Variants in CTXND2 observed in about 807,000 individuals in gnomAD.
CTXND2 encodes cortexin domain containing 2.
At chr1:150,900,992 G>T (rs1669013678) in intron 1 of CTXND2, among the ~76,000 whole-genome samples, 1 of 152,088 alleles carries the variant, frequency 6.6e-6, no homozygotes, top group Admixed American at 6.6e-5. Flanking sequence ...TGCACCTGTA[G>T]TCCCAGTTCC....
chr1:150,898,767 A>AG (rs1315647465), intron 1 of CTXND2, among the ~76,000 whole-genome samples: 1 of 146,082 alleles, frequency 6.8e-6, no homozygotes, highest in Non-Finnish European at 1.5e-5. Flanking sequence ...AAAAAAAAAA[A>AG]AAAGAAAGAA....
At chr1:150,895,327 C>CTTTTTTTTCT (rs933778061) in intron 1 of CTXND2, among the ~76,000 whole-genome samples, 1 of 151,270 alleles carries the variant, frequency 6.6e-6, no homozygotes, top group Non-Finnish European at 1.5e-5. Flanking sequence ...TTGGGGAAAT[C>CTTTTTTTTCT]TTTTTTTTCT....
chr1:150,910,427 G>A (rs1669233589), intron 1 of CTXND2, among the ~76,000 whole-genome samples: 1 of 152,032 alleles, frequency 6.6e-6, no homozygotes. Context: ...ACCACGCCCA[G>A]CAAGAAGGGT....
intron 1 of CTXND2, among the ~76,000 whole-genome samples, chr1:150,896,765 T>C (rs900626595): frequency 6.6e-6 from 1 of 152,198 alleles, no homozygotes; most frequent in African/African-American, 2.4e-5. Context: ...TGAACAAATA[T>C]TTATTGAACA....
chr1:150,891,637 T>G (rs12096831), intron 1 of CTXND2, among the ~76,000 whole-genome samples: 54,100 of 152,116 alleles, frequency 0.36, 10,014 homozygotes, highest in South Asian at 0.54. Flanking sequence ...AGGTCCCTTG[T>G]GAGCTGCCTT....
intron 1 of CTXND2, among the ~76,000 whole-genome samples, chr1:150,892,029 G>T (rs1357335777): frequency 6.6e-6 from 1 of 152,120 alleles, no homozygotes; most frequent in East Asian, 1.9e-4. Flanking sequence ...GAGAATAAAT[G>T]AAAGGAAATC....
intron 1 of CTXND2, among the ~76,000 whole-genome samples, chr1:150,888,245 ACTCTGCCGC>A (rs1224980339): frequency 6.9e-6 from 1 of 145,618 alleles, no homozygotes; most frequent in African/African-American, 2.6e-5. Flanking sequence ...AGACAGTCTC[ACTCTGCCGC>A]CTAGGCTGGA....
At chr1:150,898,554 G>A (rs1418867982) in intron 1 of CTXND2, among the ~76,000 whole-genome samples, 1 of 151,848 alleles carries the variant, frequency 6.6e-6, no homozygotes, top group Non-Finnish European at 1.5e-5. Context: ...TCAAGAGATG[G>A]AGACCATCCT....
At position 150,892,277 on chromosome 1, in the gene CTXND2, T is replaced by A. The variant is rs148089416; in HGVS notation, c.-74+4964T>A. 2.4e-4 allele frequency among the ~76,000 whole-genome samples: 37 copies of A among 152,338 alleles called. No individual in the cohort carries two copies. In the East Asian group the frequency reaches 6.7e-3, roughly 28 times the overall value. On this transcript the variant is annotated intron_variant, in intron 1 of 1. Transcript: ENST00000636087. The stretch of plus-strand genomic sequence containing the variant: ...TTTACATATAACTAAATGCAATTTT[T>A]AAAATAAATATCCTATTTTCCAGTA...
Position 150,909,826 on chromosome 1 carries a change from C to T in CTXND2, c.-73-2416C>T, listed in dbSNP as rs113132685. Among the ~76,000 whole-genome samples, 1,287 of 152,170 alleles carry T rather than the reference C, an allele frequency of 8.5e-3. 7 individuals carry two copies. Among genetic ancestry groups the T allele is most frequent in the Non-Finnish European group, 0.012 (810 of 68,008 alleles). On this transcript the variant is annotated intron_variant, in intron 1 of 1. Transcript: ENST00000636087. ...ACTCAGGTGCTGCAGCAGAGGAAAC[C>T]GGAACTCAGTCACAAATCCATCTCC...
chr1:150,906,219 A>C (rs1259110844), intron 1 of CTXND2, among the ~76,000 whole-genome samples: 2 of 151,504 alleles, frequency 1.3e-5, no homozygotes, highest in Non-Finnish European at 3.0e-5. Context: ...GGATCACTTG[A>C]GCCCAGGAGG....
intron 1 of CTXND2, among the ~76,000 whole-genome samples, chr1:150,895,544 A>G (rs1668905097): frequency 6.6e-6 from 1 of 151,946 alleles, no homozygotes; most frequent in South Asian, 2.1e-4. Flanking sequence ...GGCTTTCACT[A>G]TGTTGACTAG....
intron 1 of CTXND2, among the ~76,000 whole-genome samples, chr1:150,908,258 G>C (rs779923092): frequency 6.6e-6 from 1 of 151,926 alleles, no homozygotes; most frequent in Non-Finnish European, 1.5e-5. Flanking sequence ...CACCCACCTT[G>C]GCTGCCCAAA....
At chr1:150,894,848 C>T (rs971766313) in intron 1 of CTXND2, among the ~76,000 whole-genome samples, 2 of 151,950 alleles carry the variant, frequency 1.3e-5, no homozygotes, top group Admixed American at 1.3e-4. Flanking sequence ...CCAGCCTGGC[C>T]AACATGGTGA....
intron 1 of CTXND2, among the ~76,000 whole-genome samples, chr1:150,907,770 C>T (rs1184668747): frequency 2.9e-5 from 4 of 138,462 alleles, no homozygotes; most frequent in African/African-American, 5.5e-5. Context: ...AGTGCAGTGG[C>T]GCAATCTTGG....
intron 1 of CTXND2, among the ~76,000 whole-genome samples, chr1:150,906,144 TA>T (rs1043728691): frequency 1.1e-4 from 17 of 149,912 alleles, no homozygotes; most frequent in African/African-American, 4.2e-4. Context: ...ACAAAAAATT[TA>T]AAAATCAGCC....
chr1:150,913,206 T>G (rs1669283764), exon 2 of CTXND2: 1 of 152,228 alleles, frequency 6.6e-6, no homozygotes, highest in East Asian at 1.9e-4. Flanking sequence ...GAGATTCTGG[T>G]ACCCCAGTAT....
rs1396306363 is a variant in CTXND2, at chr1:150,899,457, T to TAAAAATTC, written c.-74+12145_-74+12152dup. ...CTGTATTTTTAAAAATTTAAAAATT[T>TAAAAATTC]AAAAATTCCAAATAGATCAGGGATC... On this transcript the variant is annotated intron_variant, in intron 1 of 1. Transcript: ENST00000636087. Among the ~76,000 whole-genome samples the TAAAAATTC allele has an allele frequency of 3.9e-5, 6 of 152,144 alleles. No homozygotes were observed. The East Asian group carries it at 7.7e-4, about 20-fold the overall frequency.
intron 1 of CTXND2, among the ~76,000 whole-genome samples, chr1:150,890,826 A>C (rs1480372597): frequency 2.0e-5 from 3 of 152,010 alleles, no homozygotes; most frequent in Non-Finnish European, 2.9e-5. Context: ...TATACCCTTC[A>C]CTTTCATGCA....
Sources: gnomAD v4.1 joint callset for allele counts (sites outside exome capture counted in the v4.1 genomes callset) on GRCh38, gnomAD v4.1.1 for gene constraint, MANE v1.5 for transcripts, NCBI Gene and HGNC (gene_info 2026-07-23, HGNC 2026-07-21) for gene names.